Variants in RIPOR2 observed in about 807,000 individuals in gnomAD.
The protein encoded by RIPOR2 is RHO family interacting cell polarization regulator 2.
A neutral mutation model predicts 114.5 loss-of-function variants in RIPOR2; 39 were observed. The observed-to-expected ratio is 0.34, with a 90% CI of 0.26 to 0.44. The LOEUF is 0.44. RIPOR2 is among the 20% of genes least tolerant of loss of function. RIPOR2 has a pLI of 1.00. For synonymous variants in RIPOR2, 445 were observed against 484.4 expected, an observed-to-expected ratio of 0.92 and a Z score of 1.07; for missense variants, 1,007 against 1,255.1, an observed-to-expected ratio of 0.80 and a Z score of 2.99.
At chr6:24,958,352 TC>T (rs1307669059) in intron 1 of RIPOR2, among the ~76,000 whole-genome samples, 1 of 152,214 alleles carries the variant, frequency 6.6e-6, no homozygotes, top group Admixed American at 6.5e-5. Flanking sequence ...AATATTAATA[TC>T]CATTAGATCT....
intron 1 of RIPOR2, among the ~76,000 whole-genome samples, chr6:24,973,641 C>T (rs1006883135): frequency 6.6e-6 from 1 of 151,094 alleles, no homozygotes; most frequent in African/African-American, 2.4e-5. Context: ...GACATATGCA[C>T]TCACATGTTC....
At chr6:24,946,462 A>C (rs1489492597) in intron 1 of RIPOR2, among the ~76,000 whole-genome samples, 1 of 152,020 alleles carries the variant, frequency 6.6e-6, no homozygotes, top group Non-Finnish European at 1.5e-5. Flanking sequence ...AATCCCAGCT[A>C]CTCAGGAGGC....
At chr6:24,880,882 C>A (rs760335935) in intron 1 of RIPOR2, among the ~76,000 whole-genome samples, 16 of 152,088 alleles carry the variant, frequency 1.1e-4, no homozygotes, top group Non-Finnish European at 2.4e-4. Context: ...TCATATATAC[C>A]CGATATATAC....
chr6:24,896,215 C>T (rs775760829), intron 1 of RIPOR2, among the ~76,000 whole-genome samples: 23 of 152,170 alleles, frequency 1.5e-4, no homozygotes, highest in African/African-American at 5.6e-4. Context: ...CCACTTTATA[C>T]TGTGTGGCTT....
At position 24,876,630 on chromosome 6, in the gene RIPOR2, A is replaced by T. The variant is rs182121977; in HGVS notation, c.62-813T>A. On this transcript the variant is annotated intron_variant, in intron 1 of 21. Transcript: ENST00000643898. ...CTTTCTATCTTTAAGAATATTCTGAAAGCTAAGATTGTGCCACTACTGTGA... is the reference window on the plus strand; with the variant it reads ...CTTTCTATCTTTAAGAATATTCTGATAGCTAAGATTGTGCCACTACTGTGA... Among the ~76,000 whole-genome samples, 37 of 152,310 alleles carry T rather than the reference A, an allele frequency of 2.4e-4. 1 individual carries two copies. The East Asian group carries it at 4.4e-3, about 18-fold the overall frequency.
chr6:24,870,969 C>T lies in RIPOR2; in HGVS notation c.424-80G>A, dbSNP rs142781863. ...CATCTTAACAGAATGATTTAGCCCACATTTGCACATTATCTGTGGAAATAA... is the reference window on the plus strand; with the variant it reads ...CATCTTAACAGAATGATTTAGCCCATATTTGCACATTATCTGTGGAAATAA... On this transcript the variant is annotated intron_variant, in intron 4 of 21. Transcript: ENST00000643898. 1,513 of 804,778 alleles carry T rather than the reference C, an allele frequency of 1.9e-3. 5 individuals are homozygous for T. Among genetic ancestry groups the T allele is most frequent in the African/African-American group, 0.013 (762 of 56,540 alleles). 49.9% of individuals were successfully genotyped at this position (804,778 alleles called of 1,614,324 possible). A position where few individuals can be genotyped will look rare whatever the true frequency, so the allele number is the denominator to read the frequency against.
chr6:24,991,922 T>G (rs951208076), intron 1 of RIPOR2, among the ~76,000 whole-genome samples: 5 of 152,190 alleles, frequency 3.3e-5, no homozygotes, highest in African/African-American at 9.7e-5. Context: ...GTACCTGATT[T>G]CTGAGATAAG....
At chr6:24,921,259 C>T (rs2114106443) in intron 1 of RIPOR2, among the ~76,000 whole-genome samples, 1 of 151,932 alleles carries the variant, frequency 6.6e-6, no homozygotes, top group African/African-American at 2.4e-5. Flanking sequence ...GCCTCCTGAG[C>T]ACAAGCAGTT....
chr6:24,936,027 C>T, upstream of RIPOR2: 1 of 649,404 alleles, frequency 1.5e-6, no homozygotes, highest in South Asian at 1.8e-5. Context: ...CCGCATCTGC[C>T]CTGAAGAAAG....
chr6:24,992,134 A>G (rs186361153), intron 1 of RIPOR2, among the ~76,000 whole-genome samples: 112 of 152,302 alleles, frequency 7.4e-4, no homozygotes, highest in Non-Finnish European at 1.2e-3. Flanking sequence ...AAAGCATTTG[A>G]TAATGGTTTT....
intron 1 of RIPOR2, among the ~76,000 whole-genome samples, chr6:24,910,159 C>T (rs1769405688): frequency 6.6e-6 from 1 of 152,188 alleles, no homozygotes; most frequent in Admixed American, 6.5e-5. Context: ...GTGCTCCTGT[C>T]CTCAGGTGCA....
At chr6:24,948,533 CTT>C (rs35993841) in intron 1 of RIPOR2, among the ~76,000 whole-genome samples, 9 of 145,438 alleles carry the variant, frequency 6.2e-5, no homozygotes, top group East Asian at 2.0e-4. Context: ...TTCTTTCTTT[CTT>C]TTTTTTTTTT....
rs1451362478 is a variant in RIPOR2 at position 24,950,741 on chromosome 6, C to A, written c.77-74924G>T. 2.6e-5 allele frequency among the ~76,000 whole-genome samples: 4 copies of A among 152,134 alleles called. No homozygotes were observed. In the East Asian group the frequency reaches 7.7e-4, roughly 29 times the overall value. ...GGATGACTGAACTGTTCCATCTGAA[C>A]AAAAAGAAAATATATTCATTTAAAC... On this transcript the variant is annotated intron_variant, in intron 1 of 13. Coordinates refer to the RIPOR2 transcript ENST00000510784.
intron 1 of RIPOR2, among the ~76,000 whole-genome samples, chr6:24,946,712 C>T (rs1772432757): frequency 1.3e-5 from 2 of 152,168 alleles, no homozygotes; most frequent in African/African-American, 4.8e-5. Flanking sequence ...AATAGGGGCC[C>T]AAGGGGTCTG....
At chr6:25,016,443 G>C (rs1002754408) in intron 1 of RIPOR2, among the ~76,000 whole-genome samples, 25 of 152,216 alleles carry the variant, frequency 1.6e-4, no homozygotes, top group African/African-American at 5.3e-4. Context: ...CTATTCATGA[G>C]AAGTAAAATT....
chr6:24,944,148 G>A (rs539574732), intron 1 of RIPOR2, among the ~76,000 whole-genome samples: 1 of 152,296 alleles, frequency 6.6e-6, no homozygotes, highest in South Asian at 2.1e-4. Flanking sequence ...GCCCACAGCT[G>A]TGTATATGCT....
intron 1 of RIPOR2, among the ~76,000 whole-genome samples, chr6:25,022,843 G>T (rs935482249): frequency 3.3e-5 from 5 of 151,936 alleles, no homozygotes; most frequent in Non-Finnish European, 7.4e-5. Flanking sequence ...TGCAACCATG[G>T]CTAGCCCAAA....
At chr6:24,976,332 AC>A (rs2113564761) in intron 1 of RIPOR2, 1 of 895,808 alleles carries the variant, frequency 1.1e-6, no homozygotes, top group East Asian at 2.6e-5. Flanking sequence ...TTTAAAAATG[AC>A]TAAATTATTC....
At chr6:24,898,057 AGAAG>A (rs1012392050) in intron 1 of RIPOR2, among the ~76,000 whole-genome samples, 38 of 151,606 alleles carry the variant, frequency 2.5e-4, no homozygotes, top group African/African-American at 5.6e-4. Context: ...AAGGAAGGAA[AGAAG>A]GAAGGAAGGA....
Sources: gnomAD v4.1 joint callset for allele counts (sites outside exome capture counted in the v4.1 genomes callset) on GRCh38, gnomAD v4.1.1 for gene constraint, MANE v1.5 for transcripts, NCBI Gene and HGNC (gene_info 2026-07-23, HGNC 2026-07-21) for gene names.